Variants in TACC2 observed in about 807,000 individuals in gnomAD.
TACC2 encodes the protein transforming acidic coiled-coil containing protein 2.
A neutral mutation model predicts 227.3 loss-of-function variants in TACC2; 137 were observed. That is an observed-to-expected ratio of 0.60 (90% CI 0.52 to 0.69). TACC2 has a LOEUF of 0.69. Among genes scored for constraint, TACC2 ranks in the 30% least tolerant of loss-of-function variants. The pLI is 0.00. For missense variants in TACC2, 3,470 were observed against 3,694.4 expected (o/e 0.94, Z 1.57); for synonymous variants, 1,523 against 1,487.5 (o/e 1.02, Z -0.55).
At chr10:122,235,197 C>T (rs111497627) in intron 16 of TACC2, among the ~76,000 whole-genome samples, 2,440 of 152,314 alleles carry the variant, frequency 0.016, 83 homozygotes, top group African/African-American at 0.056. Flanking sequence ...AAGCGATTCT[C>T]GTGCCTCAGC....
At chr10:122,192,220 A>T (rs11200463) in intron 7 of TACC2, among the ~76,000 whole-genome samples, 5,111 of 152,242 alleles carry the variant, frequency 0.034, 288 homozygotes, top group African/African-American at 0.12. Context: ...CAGGCAAGGG[A>T]CCACAAAGAG....
chr10:122,097,219 T>C (rs950995118), intron 5 of TACC2, among the ~76,000 whole-genome samples: 2 of 151,724 alleles, frequency 1.3e-5, no homozygotes, highest in African/African-American at 4.8e-5. Flanking sequence ...GTCCCAGCTA[T>C]TCAGGAGGCT....
chr10:122,149,816 C>G (rs890297554), intron 7 of TACC2, among the ~76,000 whole-genome samples: 2 of 152,218 alleles, frequency 1.3e-5, no homozygotes, highest in Non-Finnish European at 2.9e-5. Context: ...CCAAACTGGG[C>G]TCTCGTGGCA....
At chr10:122,250,326 C>A (rs1007094034) in intron 22 of TACC2, among the ~76,000 whole-genome samples, 11 of 152,214 alleles carry the variant, frequency 7.2e-5, no homozygotes, top group Non-Finnish European at 1.5e-4. Context: ...GAGAGGATTT[C>A]CAGATGTGCA....
At position 122,084,416 on chromosome 10, in the gene TACC2, G is replaced by C; in HGVS notation, c.1916G>C (p.Gly639Ala). 6.2e-7 allele frequency: 1 copy of C among 1,613,006 alleles called. No homozygotes were observed. Among genetic ancestry groups the C allele is most frequent in the Non-Finnish European group, 8.5e-7 (1 of 1,180,026 alleles). The change falls in exon 4 of 23, where the codon GGG becomes GCG. Residue 639 changes from glycine to alanine, a missense_variant. Gly to Ala is a moderately conservative substitution (Grantham distance 60). Coordinates refer to ENST00000369005, the MANE Select transcript of TACC2 (RefSeq NM_206862.4). ...SSHSAQPPRK[G>A]GAGHTDGPHS... ...CACTCAGCACAGCCACCCAGAAAGG[G>C]GGGTGCTGGGCACACGGACGGGCCC...
intron 8 of TACC2, among the ~76,000 whole-genome samples, chr10:122,200,455 C>T (rs1202316585): frequency 6.7e-6 from 1 of 149,614 alleles, no homozygotes; most frequent in Non-Finnish European, 1.5e-5. Flanking sequence ...GTTACCTCAC[C>T]TGCCCACAGT....
chr10:122,247,929 A>T (rs1376538889), intron 19 of TACC2: 21 of 152,228 alleles, frequency 1.4e-4, no homozygotes, highest in Admixed American at 1.4e-3. Flanking sequence ...GGGGCAGATT[A>T]TTAGCTTGGG....
chr10:122,250,315 G>A (rs1411326543), intron 22 of TACC2, among the ~76,000 whole-genome samples: 3 of 152,210 alleles, frequency 2.0e-5, no homozygotes, highest in Admixed American at 1.3e-4. Context: ...TGTTTCTCAA[G>A]GAGAGGATTT....
At chr10:122,018,106 T>C (rs1290550231) in intron 1 of TACC2, among the ~76,000 whole-genome samples, 1 of 151,532 alleles carries the variant, frequency 6.6e-6, no homozygotes, top group African/African-American at 2.4e-5. Flanking sequence ...TGACCCATCC[T>C]CCAACTTCCC....
At chr10:122,094,207 G>A (rs955889677) in intron 5 of TACC2, among the ~76,000 whole-genome samples, 3 of 152,160 alleles carry the variant, frequency 2.0e-5, no homozygotes, top group Non-Finnish European at 2.9e-5. Context: ...GTAAAATGAA[G>A]CATCTGTGTT....
In TACC2 at chr10:122,084,992, A is replaced by G. The variant is rs887908913; in HGVS notation, c.2492A>G (p.Gln831Arg). The G allele has an allele frequency of 6.2e-7, 1 of 1,614,156 alleles. No homozygotes were observed. Among genetic ancestry groups the G allele is most frequent in the African/African-American group, 1.3e-5 (1 of 75,044 alleles). The change falls in exon 4 of 23, where the codon CAG becomes CGG. Residue 831 changes from glutamine to arginine, a missense_variant. Coordinates refer to ENST00000369005, the MANE Select transcript of TACC2 (RefSeq NM_206862.4). ...CTACTATCTTCTGAGAAGCATCTCC[A>G]GCCATCCCAGGCACAACCAGAGACA... ...WPLLSSEKHL[Q>R]PSQAQPETSI... is the part of the protein sequence containing the mutation.
intron 7 of TACC2, among the ~76,000 whole-genome samples, chr10:122,171,697 T>C (rs1216344493): frequency 2.6e-5 from 4 of 152,160 alleles, no homozygotes; most frequent in Non-Finnish European, 5.9e-5. Flanking sequence ...TAAAAGAAAA[T>C]GTTTGTAGGT....
At chr10:122,216,528 G>A (rs1403490089) in intron 10 of TACC2, 99 bp from the exon 11 acceptor site, 19 of 1,213,202 alleles carry the variant, frequency 1.6e-5, no homozygotes, top group East Asian at 4.7e-5. Flanking sequence ...GATTGTGACC[G>A]GGACCTGTCC....
chr10:122,162,229 G>A (rs767406194), intron 7 of TACC2, among the ~76,000 whole-genome samples: 3 of 152,218 alleles, frequency 2.0e-5, no homozygotes, highest in Non-Finnish European at 4.4e-5. Flanking sequence ...AATAAGAGCA[G>A]TGGAAAGTCA....
intron 1 of TACC2, among the ~76,000 whole-genome samples, chr10:122,008,380 C>G (rs1955509351): frequency 6.6e-6 from 1 of 151,750 alleles, no homozygotes. Context: ...CCTGCCTCAG[C>G]CTCTCGAGTA....
intron 7 of TACC2, chr10:122,163,760 C>A: frequency 8.3e-7 from 1 of 1,207,976 alleles, no homozygotes; most frequent in Non-Finnish European, 1.0e-6. Context: ...CCGCGAGTCG[C>A]AGCTCCCTGC....
chr10:122,172,403 A>C (rs1459356956), intron 7 of TACC2, among the ~76,000 whole-genome samples: 1 of 152,004 alleles, frequency 6.6e-6, no homozygotes, highest in Non-Finnish European at 1.5e-5. Context: ...TGGGGCTCAG[A>C]TCTGGGTCTC....
chr10:122,160,656 C>T (rs979232484), intron 7 of TACC2, among the ~76,000 whole-genome samples: 2 of 152,106 alleles, frequency 1.3e-5, no homozygotes, highest in South Asian at 4.2e-4. Context: ...AAATACCATC[C>T]CACTAGGGAT....
At chr10:122,148,565 C>G (rs909165509) in intron 7 of TACC2, among the ~76,000 whole-genome samples, 5 of 152,388 alleles carry the variant, frequency 3.3e-5, no homozygotes, top group African/African-American at 1.2e-4. Context: ...TTTGTCTTCT[C>G]TCTTTGGGTT....
Sources: gnomAD v4.1 joint callset for allele counts (sites outside exome capture counted in the v4.1 genomes callset) on GRCh38, gnomAD v4.1.1 for gene constraint, MANE v1.5 for transcripts, NCBI Gene and HGNC (gene_info 2026-07-23, HGNC 2026-07-21) for gene names.